Variants in RBFOX1 observed in about 807,000 individuals in gnomAD.
RBFOX1 encodes the protein RNA binding fox-1 homolog 1.
In RBFOX1, 8 loss-of-function variants were observed where a neutral mutation model predicts 57.7. The ratio of observed to expected loss-of-function variants is 0.14; its 90% CI spans 0.08 to 0.25. RBFOX1 has a LOEUF of 0.25. Ranked by LOEUF, RBFOX1 falls within the 10% of genes least tolerant of loss-of-function variation. The probability of loss-of-function intolerance (pLI) is 1.00; values close to 1 mark genes in which losing one functional copy is unlikely to be tolerated. For synonymous variants in RBFOX1, 326 were observed against 222.4 expected (o/e 1.47, Z -4.15); for missense variants, 611 against 548.5 (o/e 1.11, Z -1.14).
At chr16:5,998,098 C>G (rs927830514) in intron 4 of RBFOX1, among the ~76,000 whole-genome samples, 1 of 152,108 alleles carries the variant, frequency 6.6e-6, no homozygotes, top group Non-Finnish European at 1.5e-5. Context: ...ATAAACCTAC[C>G]AAGTCCCTGT....
intron 2 of RBFOX1, among the ~76,000 whole-genome samples, chr16:6,571,547 G>A (rs1384656477): frequency 1.3e-5 from 2 of 152,142 alleles, no homozygotes; most frequent in Non-Finnish European, 2.9e-5. Context: ...GGTAGTCGGG[G>A]AGAGAGGAGA....
At chr16:6,245,738 C>T (rs2097565713) in intron 1 of RBFOX1, among the ~76,000 whole-genome samples, 2 of 152,120 alleles carry the variant, frequency 1.3e-5, no homozygotes, top group South Asian at 4.1e-4. Context: ...CTAAAGACAC[C>T]TGAGAATAAC....
At chr16:6,499,393 A>T (rs1291763062) in intron 2 of RBFOX1, among the ~76,000 whole-genome samples, 1 of 152,196 alleles carries the variant, frequency 6.6e-6, no homozygotes, top group African/African-American at 2.4e-5. Flanking sequence ...AAAAGGTATG[A>T]AAAATCTTAA....
At chr16:6,252,567 A>G (rs955309104) in intron 1 of RBFOX1, among the ~76,000 whole-genome samples, 6 of 152,056 alleles carry the variant, frequency 3.9e-5, no homozygotes, top group African/African-American at 1.4e-4. Flanking sequence ...AGAACAGGAT[A>G]TGATAGGATG....
chr16:5,332,156 G>A (rs1234047708), intron 1 of RBFOX1, among the ~76,000 whole-genome samples: 1 of 152,160 alleles, frequency 6.6e-6, no homozygotes, highest in African/African-American at 2.4e-5. Flanking sequence ...TTCTCTTGAA[G>A]AAAACCACCA....
At chr16:7,010,725 C>A (rs59656305) in intron 3 of RBFOX1, among the ~76,000 whole-genome samples, 8,538 of 152,014 alleles carry the variant, frequency 0.056, 430 homozygotes, top group East Asian at 0.2. Context: ...CACCACTGCC[C>A]GGCTGATTTT....
chr16:5,679,346 T>A (rs187530634), intron 3 of RBFOX1, among the ~76,000 whole-genome samples: 1,985 of 151,736 alleles, frequency 0.013, 18 homozygotes, highest in African/African-American at 0.019. Context: ...TTTTTTTTTT[T>A]AAAAAACAAT....
intron 4 of RBFOX1, chr16:7,510,074 G>C (rs763349061): frequency 7.7e-6 from 7 of 914,170 alleles, no homozygotes; most frequent in Non-Finnish European, 7.8e-6. Context: ...GATGGGCCAG[G>C]CCTTCCTGGC....
At chr16:7,047,716 C>CTTTTTTTTTTTTTTTTTTTTTTTTTTT (rs55636828) in intron 3 of RBFOX1, among the ~76,000 whole-genome samples, 2 of 47,938 alleles carry the variant, frequency 4.2e-5, no homozygotes, top group East Asian at 4.1e-4. Context: ...TCCTGCATTT[C>CTTTTTTTTTTTTTTTTTTTTTTTTTTT]TTTTTTTTTT....
chr16:6,392,646 A>G (rs1382702762), intron 2 of RBFOX1, among the ~76,000 whole-genome samples: 2 of 152,024 alleles, frequency 1.3e-5, no homozygotes, highest in Admixed American at 6.6e-5. Context: ...GGACTAATAG[A>G]CCCCCCTAAT....
intron 3 of RBFOX1, among the ~76,000 whole-genome samples, chr16:6,779,415 C>T (rs543242387): frequency 1.3e-5 from 2 of 151,890 alleles, no homozygotes; most frequent in South Asian, 4.1e-4. Context: ...TCGGTTCATA[C>T]ATTGGTGGAC....
intron 3 of RBFOX1, among the ~76,000 whole-genome samples, chr16:6,765,002 G>C (rs760943544): frequency 1.3e-4 from 20 of 151,534 alleles, no homozygotes; most frequent in Non-Finnish European, 2.4e-4. Flanking sequence ...ATCATAATGT[G>C]TGTGTTGGCT....
At chr16:5,471,008 C>T (rs664637) in intron 2 of RBFOX1, among the ~76,000 whole-genome samples, 88,761 of 151,840 alleles carry the variant, frequency 0.58, 26,702 homozygotes, top group East Asian at 0.7. Context: ...CCTGCCACCA[C>T]GCCTGGCTAA....
chr16:7,430,273 G>A (rs1320381464), intron 4 of RBFOX1, among the ~76,000 whole-genome samples: 2 of 152,074 alleles, frequency 1.3e-5, no homozygotes, highest in Admixed American at 1.3e-4. Flanking sequence ...TTATTGTTTT[G>A]TTGTGGTGGT....
chr16:6,746,624 C>G (rs750819052), intron 3 of RBFOX1, among the ~76,000 whole-genome samples: 1 of 151,826 alleles, frequency 6.6e-6, no homozygotes, highest in Non-Finnish European at 1.5e-5. Flanking sequence ...GCTGCAGTGA[C>G]CTGTGATTGT....
At chr16:5,596,175 G>T (rs2047175295) in intron 2 of RBFOX1, among the ~76,000 whole-genome samples, 1 of 152,154 alleles carries the variant, frequency 6.6e-6, no homozygotes, top group Non-Finnish European at 1.5e-5. Context: ...TGCAGGGGCA[G>T]CTGGATAGGA....
chr16:6,662,776 C>G (rs936309127), intron 3 of RBFOX1, among the ~76,000 whole-genome samples: 2 of 151,540 alleles, frequency 1.3e-5, no homozygotes, highest in Admixed American at 1.3e-4. Flanking sequence ...CAGTGTTTTA[C>G]TTTTGCATTA....
chr16:5,918,516 T>C (rs906066318), intron 4 of RBFOX1, among the ~76,000 whole-genome samples: 5 of 152,182 alleles, frequency 3.3e-5, no homozygotes, highest in African/African-American at 9.6e-5. Context: ...ACCTGACAGA[T>C]AGTAAGGGTT....
chr16:7,546,046 G>C (rs2084416135), intron 5 of RBFOX1, among the ~76,000 whole-genome samples: 2 of 151,534 alleles, frequency 1.3e-5, no homozygotes, highest in African/African-American at 2.4e-5. Flanking sequence ...AGAAAATCAG[G>C]CCAGGCACAG....
Sources: gnomAD v4.1 joint callset for allele counts (sites outside exome capture counted in the v4.1 genomes callset) on GRCh38, gnomAD v4.1.1 for gene constraint, MANE v1.5 for transcripts, NCBI Gene and HGNC (gene_info 2026-07-23, HGNC 2026-07-21) for gene names.